PCDH15: variants seen among roughly 807,000 people sequenced by gnomAD.
PCDH15 encodes the protein protocadherin-15.
A neutral mutation model predicts 178.5 loss-of-function variants in PCDH15; 129 were observed. The ratio of observed to expected loss-of-function variants is 0.72; its 90% CI spans 0.63 to 0.84. The LOEUF (loss-of-function observed/expected upper bound fraction) is 0.84, where lower values mean the gene tolerates loss of function less well. Ranked by LOEUF, PCDH15 falls within the 40% of genes least tolerant of loss-of-function variation. PCDH15 has a pLI of 0.00. For missense variants in PCDH15, 2,230 were observed against 2,099.9 expected, an observed-to-expected ratio of 1.06 and a Z score of -1.21; for synonymous variants, 800 against 732.0, an observed-to-expected ratio of 1.09 and a Z score of -1.50.
chr10:53,940,520 G>A (rs1379775920), intron 24 of PCDH15, among the ~76,000 whole-genome samples: 3 of 152,088 alleles, frequency 2.0e-5, no homozygotes, highest in Non-Finnish European at 4.4e-5. Flanking sequence ...GGCGGACGAA[G>A]CTACTGTAGG....
intron 4 of PCDH15, among the ~76,000 whole-genome samples, chr10:54,376,534 T>A (rs1948463382): frequency 6.6e-6 from 1 of 151,304 alleles, no homozygotes; most frequent in South Asian, 2.1e-4. Flanking sequence ...CACTCACTTT[T>A]TTTAAAATGA....
chr10:55,597,879 C>G (rs1564473427), intron 2 of PCDH15, among the ~76,000 whole-genome samples: 1 of 151,906 alleles, frequency 6.6e-6, no homozygotes, highest in Non-Finnish European at 1.5e-5. Context: ...TCCGCAAAAC[C>G]CCATAAACAT....
At chr10:54,577,064 T>A (rs2090547978) in intron 2 of PCDH15, among the ~76,000 whole-genome samples, 1 of 143,838 alleles carries the variant, frequency 7.0e-6, no homozygotes, top group African/African-American at 2.6e-5. Context: ...AATGTATACC[T>A]GAAAGACCTG....
chr10:54,713,144 C>G (rs1171845409), intron 1 of PCDH15, among the ~76,000 whole-genome samples: 1 of 151,928 alleles, frequency 6.6e-6, no homozygotes, highest in Non-Finnish European at 1.5e-5. Context: ...GACTTTATTT[C>G]ATAGAATTCA....
chr10:55,373,377 G>T (rs1189165340), intron 2 of PCDH15, among the ~76,000 whole-genome samples: 1 of 152,114 alleles, frequency 6.6e-6, no homozygotes, highest in East Asian at 1.9e-4. Context: ...TTAAGAATTT[G>T]TGCTAGAACG....
chr10:54,412,620 TA>T (rs1442471251), intron 3 of PCDH15, among the ~76,000 whole-genome samples: 1 of 152,186 alleles, frequency 6.6e-6, no homozygotes, highest in African/African-American at 2.4e-5. Context: ...TCTGAAATTC[TA>T]GCATTAATGA....
rs1047262593 is a variant in PCDH15, at chr10:55,244,069, A to G, written c.-156+75530T>C. ...GTCAATTAAACATCTTCAAAATAAG[A>G]ATATTCTGATAATTTGTCTTTAGTT... is the stretch of plus-strand genomic sequence containing the variant. On this transcript the variant is annotated intron_variant, in intron 1 of 5. Transcript: ENST00000458638. Among the ~76,000 whole-genome samples the G allele has an allele frequency of 7.9e-5, 12 of 152,168 alleles. No homozygotes were observed. The East Asian group carries it at 2.1e-3, about 27-fold the overall frequency.
Position 55,244,567 on chromosome 10 carries a change from A to C in PCDH15, c.-156+75032T>G, listed in dbSNP as rs117663129. Among the ~76,000 whole-genome samples, 358 of 151,856 alleles carry C rather than the reference A, an allele frequency of 2.4e-3. 7 individuals are homozygous for C. The East Asian group carries it at 0.05, about 21-fold the overall frequency. ...GAGTTGTTCTGTGTGTAACAACTGAACTTATACACACACACACACACACAC... is the reference window on the plus strand; with the variant it reads ...GAGTTGTTCTGTGTGTAACAACTGACCTTATACACACACACACACACACAC... On this transcript the variant is annotated intron_variant, in intron 1 of 5. Coordinates refer to the PCDH15 transcript ENST00000458638.
intron 2 of PCDH15, among the ~76,000 whole-genome samples, chr10:55,012,584 T>C (rs902998891): frequency 3.9e-5 from 6 of 152,148 alleles, no homozygotes; most frequent in Non-Finnish European, 8.8e-5. Flanking sequence ...TCTGTATTTC[T>C]AAATTCAATG....
chr10:55,582,618 A>ATTTTT (rs1182758362), intron 2 of PCDH15, among the ~76,000 whole-genome samples: 7 of 88,168 alleles, frequency 7.9e-5, no homozygotes, highest in African/African-American at 2.3e-4. Context: ...ATATATATAT[A>ATTTTT]TATATATATA....
At chr10:54,871,702 A>G (rs541484488) in intron 3 of PCDH15, among the ~76,000 whole-genome samples, 1 of 152,182 alleles carries the variant, frequency 6.6e-6, no homozygotes, top group East Asian at 1.9e-4. Flanking sequence ...CATTACACTA[A>G]TCAGTGGGAC....
chr10:54,546,538 T>C (rs969280113), intron 2 of PCDH15, among the ~76,000 whole-genome samples: 3 of 152,140 alleles, frequency 2.0e-5, no homozygotes, highest in Non-Finnish European at 2.9e-5. Flanking sequence ...GCATTGCATT[T>C]ATTATAAGAA....
At chr10:55,355,747 A>T (rs1242285070) in intron 2 of PCDH15, among the ~76,000 whole-genome samples, 2 of 151,956 alleles carry the variant, frequency 1.3e-5, no homozygotes, top group African/African-American at 2.4e-5. Context: ...TTAACTTTTT[A>T]AAAATGTTGA....
At chr10:53,834,328 T>C (rs1380416525) in intron 29 of PCDH15, among the ~76,000 whole-genome samples, 1 of 129,172 alleles carries the variant, frequency 7.7e-6, no homozygotes, top group Non-Finnish European at 1.7e-5. Context: ...GTTAAACTGT[T>C]TTCCAATGGT....
At chr10:55,495,854 GATAA>G (rs879459285) in intron 2 of PCDH15, among the ~76,000 whole-genome samples, 20 of 151,890 alleles carry the variant, frequency 1.3e-4, no homozygotes, top group East Asian at 5.9e-4. Context: ...CTGATGAATG[GATAA>G]ATAAAGTGTT....
At chr10:55,043,772 GA>G (rs1032417641) in intron 2 of PCDH15, among the ~76,000 whole-genome samples, 9 of 150,866 alleles carry the variant, frequency 6.0e-5, no homozygotes, top group African/African-American at 2.2e-4. Context: ...ATTAAAAGAA[GA>G]AAAAAACACT....
chr10:54,692,737 T>A (rs2095148391), intron 1 of PCDH15, among the ~76,000 whole-genome samples: 1 of 13,004 alleles, frequency 7.7e-5, no homozygotes, highest in African/African-American at 2.7e-4. Flanking sequence ...AATAAGCTCA[T>A]CAATCTGATA....
At chr10:54,346,711 A>G (rs577644279) in intron 5 of PCDH15, among the ~76,000 whole-genome samples, 6 of 152,240 alleles carry the variant, frequency 3.9e-5, no homozygotes, top group Non-Finnish European at 8.8e-5. Context: ...GAAGAAGCAG[A>G]AGACGCTGAT....
chr10:54,236,142 A>ATG (rs1390456119), intron 9 of PCDH15, among the ~76,000 whole-genome samples: 2 of 151,468 alleles, frequency 1.3e-5, no homozygotes, highest in Non-Finnish European at 2.9e-5. Context: ...TAAAAGATAT[A>ATG]TAGCCTGTCT....
Sources: gnomAD v4.1 joint callset for allele counts (sites outside exome capture counted in the v4.1 genomes callset) on GRCh38, gnomAD v4.1.1 for gene constraint, MANE v1.5 for transcripts, NCBI Gene and HGNC (gene_info 2026-07-23, HGNC 2026-07-21) for gene names.